ZNF438: variants seen among roughly 807,000 people sequenced by gnomAD.
ZNF438 encodes zinc finger protein 438.
In ZNF438, 25 loss-of-function variants were observed where a neutral mutation model predicts 38.0. The observed-to-expected ratio is 0.66, with a 90% CI of 0.48 to 0.92. The LOEUF (loss-of-function observed/expected upper bound fraction) is 0.92, where lower values mean the gene tolerates loss of function less well. Ranked by LOEUF, ZNF438 falls within the 40% of genes least tolerant of loss-of-function variation. The pLI is 0.00. For synonymous variants in ZNF438, 372 were observed against 364.1 expected (o/e 1.02, Z -0.25); for missense variants, 1,007 against 999.6 (o/e 1.01, Z -0.10).
At chr10:30,961,255 TA>T (rs769360960) in intron 1 of ZNF438, among the ~76,000 whole-genome samples, 3,225 of 115,238 alleles carry the variant, frequency 0.028, 186 homozygotes, top group African/African-American at 0.076. Flanking sequence ...AAAAAAAAAT[TA>T]AAAAAAAAAA....
exon 5 of ZNF438, chr10:30,849,775 G>A: frequency 6.2e-7 from 1 of 1,614,182 alleles, no homozygotes; most frequent in Admixed American, 1.7e-5. Flanking sequence ...GACTGCCATG[G>A]GTGTTGGTCA....
chr10:30,876,390 TTTAA>T (rs1309048340), intron 4 of ZNF438, among the ~76,000 whole-genome samples: 2 of 152,158 alleles, frequency 1.3e-5, no homozygotes, highest in Non-Finnish European at 2.9e-5. Context: ...GTGAGGGTAA[TTTAA>T]TTACTCTTGA....
intron 3 of ZNF438, among the ~76,000 whole-genome samples, chr10:30,902,583 A>G (rs2042140634): frequency 2.0e-5 from 3 of 152,110 alleles, no homozygotes; most frequent in South Asian, 2.1e-4. Flanking sequence ...AGCTAGACAT[A>G]AAGATTCTCC....
intron 2 of ZNF438, among the ~76,000 whole-genome samples, chr10:30,924,145 G>A (rs2044637417): frequency 6.6e-6 from 1 of 152,144 alleles, no homozygotes; most frequent in Non-Finnish European, 1.5e-5. Context: ...AACTGATCAA[G>A]GTTAACATGA....
At chr10:30,934,854 G>A (rs912980412) in intron 2 of ZNF438, among the ~76,000 whole-genome samples, 1 of 152,188 alleles carries the variant, frequency 6.6e-6, no homozygotes, top group African/African-American at 2.4e-5. Flanking sequence ...ATGTTGCCAG[G>A]ACATTATCTA....
At chr10:31,030,787 C>T (rs2057238331) in intron 1 of ZNF438, among the ~76,000 whole-genome samples, 1 of 152,172 alleles carries the variant, frequency 6.6e-6, no homozygotes, top group Non-Finnish European at 1.5e-5. Context: ...CTACTAGTCC[C>T]GGAGTTTGAG....
chr10:30,911,136 T>C (rs1257997750), intron 2 of ZNF438, among the ~76,000 whole-genome samples: 1 of 152,140 alleles, frequency 6.6e-6, no homozygotes, highest in East Asian at 1.9e-4. Flanking sequence ...AATGAGAACA[T>C]CTATTTAGTA....
intron 1 of ZNF438, among the ~76,000 whole-genome samples, chr10:30,972,550 T>TA (rs2050862277): frequency 6.6e-6 from 1 of 152,188 alleles, no homozygotes; most frequent in Non-Finnish European, 1.5e-5. Context: ...ATTAACTCCC[T>TA]AAAAACAGCA....
In ZNF438 at chr10:30,844,756, A is replaced by G. The variant is rs115600827; in HGVS notation, c.*205T>C. The G allele has an allele frequency of 1.7e-3, 968 of 585,856 alleles. 5 individuals carry two copies. Among genetic ancestry groups the G allele is most frequent in the African/African-American group, 0.015 (828 of 54,070 alleles). 36.3% of individuals were successfully genotyped at this position (585,856 alleles called of 1,614,324 possible). A position where few individuals can be genotyped will look rare whatever the true frequency, so the allele number is the denominator to read the frequency against. On this transcript the variant is annotated 3_prime_UTR_variant, in exon 6 of 6. Transcript: ENST00000413025. ...TAAGAATCAGTACGTATTTTAAAAT[A>G]AGACTGCATATAGTTAGAAAAATAT...
At position 30,959,582 on chromosome 10, in the gene ZNF438, C is replaced by CAAAAA. The variant is rs760298159; in HGVS notation, c.-191-17936_-191-17932dup. On this transcript the variant is annotated intron_variant, in intron 1 of 5. Coordinates refer to ENST00000413025, the Ensembl canonical transcript of ZNF438. ...TGAAACCCCGTCTCTACTAAAAATA[C>CAAAAA]AAAAAAAAAAAAAAAATTAGCCGGG... Among the ~76,000 whole-genome samples, 38 of 123,176 alleles carry CAAAAA rather than the reference C, an allele frequency of 3.1e-4. 2 individuals are homozygous for CAAAAA. The highest frequency in any genetic ancestry group is 1.0e-3 in the African/African-American group (37 of 36,066). The allele number at this position is 123,176 out of a possible 152,430, so 80.8% of individuals were successfully genotyped here.
At chr10:30,981,078 G>T (rs187823723) in intron 1 of ZNF438, among the ~76,000 whole-genome samples, 17 of 152,300 alleles carry the variant, frequency 1.1e-4, no homozygotes, top group Non-Finnish European at 2.4e-4. Flanking sequence ...ACTTCTAGTT[G>T]TCCAACAGTT....
intron 1 of ZNF438, among the ~76,000 whole-genome samples, chr10:30,966,122 A>T (rs1178065825): frequency 2.0e-5 from 3 of 152,142 alleles, no homozygotes; most frequent in Non-Finnish European, 4.4e-5. Flanking sequence ...ACTTGAGAAC[A>T]GGAGTTCTAG....
At chr10:30,880,358 G>A (rs552268970) in intron 3 of ZNF438, among the ~76,000 whole-genome samples, 5 of 149,710 alleles carry the variant, frequency 3.3e-5, no homozygotes, top group Non-Finnish European at 5.9e-5. Flanking sequence ...TTGAACCCAG[G>A]AGGCGGAGGC....
intron 2 of ZNF438, among the ~76,000 whole-genome samples, chr10:30,938,480 T>C (rs1179322782): frequency 2.6e-5 from 4 of 151,960 alleles, no homozygotes; most frequent in Non-Finnish European, 5.9e-5. Flanking sequence ...TTCATCATAT[T>C]GGTCAGGCTG....
intron 1 of ZNF438, among the ~76,000 whole-genome samples, chr10:30,947,899 C>A (rs1431049578): frequency 1.3e-5 from 2 of 152,210 alleles, no homozygotes; most frequent in Non-Finnish European, 2.9e-5. Context: ...CACCCACTGA[C>A]CTGCGCCCAC....
chr10:30,878,026 A>G (rs1244324845), intron 3 of ZNF438, among the ~76,000 whole-genome samples: 1 of 152,212 alleles, frequency 6.6e-6, no homozygotes, highest in East Asian at 1.9e-4. Flanking sequence ...ATATGAAACA[A>G]TGTCTTCAAA....
intron 1 of ZNF438, among the ~76,000 whole-genome samples, chr10:30,977,882 C>G (rs2051592497): frequency 6.6e-6 from 1 of 151,696 alleles, no homozygotes. Flanking sequence ...ACTCAGAAGG[C>G]TGAGGCAGAG....
At position 30,947,293 on chromosome 10, in the gene ZNF438, G is replaced by A. The variant is rs188034217; in HGVS notation, c.-191-5642C>T. ...CCCTTTTCTCTGGCCCACAAATTGT[G>A]AGGTACAATAAAATGGCTGTGTCTT... On this transcript the variant is annotated intron_variant, in intron 1 of 5. Coordinates refer to ENST00000413025, the Ensembl canonical transcript of ZNF438. Among the ~76,000 whole-genome samples the A allele has an allele frequency of 2.1e-3, 322 of 152,362 alleles. 1 individual carries two copies. Among genetic ancestry groups the A allele is most frequent in the African/African-American group, 6.9e-3 (289 of 41,590 alleles).
chr10:30,881,943 A>G (rs2039315231), intron 3 of ZNF438, among the ~76,000 whole-genome samples: 1 of 152,220 alleles, frequency 6.6e-6, no homozygotes, highest in Admixed American at 6.5e-5. Flanking sequence ...ACCCAAATGT[A>G]AAACACAAAA....
Sources: allele counts gnomAD v4.1 joint callset (sites outside exome capture counted in the v4.1 genomes callset), GRCh38; gene constraint gnomAD v4.1.1; transcripts MANE v1.5; gene names NCBI Gene and HGNC (gene_info 2026-07-23, HGNC 2026-07-21).